The following DHX38 variants were observed in gnomAD, a reference collection of about 807,000 sequenced individuals.
DHX38 encodes the protein DEAH-box helicase 38.
DHX38 carries 100 observed loss-of-function variants against 153.1 expected under a neutral mutation model. That is an observed-to-expected ratio of 0.65 (90% CI 0.56 to 0.77). DHX38 has a LOEUF of 0.77. DHX38 is among the 30% of genes least tolerant of loss of function. DHX38 has a pLI of 0.00. For missense variants in DHX38, 1,440 were observed against 1,654.0 expected (o/e 0.87, Z 2.24); for synonymous variants, 650 against 631.7 (o/e 1.03, Z -0.43).
At position 72,108,227 on chromosome 16, in the gene DHX38, G is replaced by C; in HGVS notation, c.2965G>C (p.Gly989Arg). The C allele has an allele frequency of 6.2e-7, 1 of 1,614,050 alleles. No homozygotes were observed. Among genetic ancestry groups the C allele is most frequent in the Non-Finnish European group, 8.5e-7 (1 of 1,180,032 alleles). ...SVPAIFYRPK[G>R]REEESDQIRE... ...GTGAAGGTTCTTTTTCCCTTCCTAG[G>C]GTCGAGAGGAGGAGAGTGATCAAAT... The change falls in exon 22 of 27, where the codon GGT becomes CGT. Residue 989 changes from glycine to arginine, a missense_variant and splice_region_variant. By Grantham distance (125) the Gly-to-Arg change is moderately radical (BLOSUM62 -2). This residue lies in a region of DHX38 where 543 missense variants were observed against 717.9 expected (regional missense o/e 0.76). Coordinates refer to ENST00000268482, the MANE Select transcript of DHX38 (RefSeq NM_014003.4).
intron 19 of DHX38, among the ~76,000 whole-genome samples, 163 bp downstream of exon 19, chr16:72,106,280 T>C (rs964704690): frequency 1.3e-5 from 2 of 152,138 alleles, no homozygotes; most frequent in Non-Finnish European, 2.9e-5. Context: ...TGCTACTGAG[T>C]GGAAGGAAGG....
chr16:72,105,483 A>G (rs2042162604), intron 17 of DHX38, 34 bp from the exon 18 acceptor site: 1 of 1,611,364 alleles, frequency 6.2e-7, no homozygotes, highest in African/African-American at 1.3e-5. Context: ...GTCTCGAGGG[A>G]CTCATTTTTC....
chr16:72,112,677 G>C lies in DHX38; in HGVS notation c.*180G>C. On this transcript the variant is annotated 3_prime_UTR_variant, in exon 27 of 27. Transcript: ENST00000268482. ...GGCAGAGGAGGTGGAGTTCTTCCAT[G>C]CAGGAGCACGGCATGGCGGGAGCGG... 3 of 737,132 alleles carry C rather than the reference G, an allele frequency of 4.1e-6. No homozygotes were observed. Among genetic ancestry groups the C allele is most frequent in the Non-Finnish European group, 7.2e-6 (3 of 416,276 alleles). The allele number at this position is 737,132 out of a possible 1,614,324, so 45.7% of individuals were successfully genotyped here.
At chr16:72,098,080 G>T (rs1388817470) in intron 4 of DHX38, among the ~76,000 whole-genome samples, 1 of 152,200 alleles carries the variant, frequency 6.6e-6, no homozygotes, top group Non-Finnish European at 1.5e-5. Context: ...TCCAAGAAGG[G>T]TGTGTTTGTA....
At chr16:72,101,451 C>T (rs1238139965) in intron 10 of DHX38, 49 bp from the exon 11 acceptor site, 1 of 1,515,634 alleles carries the variant, frequency 6.6e-7, no homozygotes, top group Admixed American at 2.0e-5. Flanking sequence ...TTTTCCATTG[C>T]TCGCAGTCAT....
rs779997031 is a variant in DHX38 at position 72,111,077 on chromosome 16, G to A, written c.3599G>A (p.Arg1200Lys). 197 of 1,558,142 alleles carry A rather than the reference G, an allele frequency of 1.3e-4. No individual in the cohort carries two copies. Among genetic ancestry groups the A allele is most frequent in the Non-Finnish European group, 1.7e-4 (193 of 1,151,626 alleles). The change falls in exon 26 of 27, where the codon AGG (arginine) becomes AAG (lysine). Residue 1200 changes from arginine (R) to lysine (K), a missense_variant and splice_region_variant. Around this residue, in one of 6 missense-constraint regions of DHX38, gnomAD observed 75 missense variants for 69.5 expected, o/e 1.08. Transcript: ENST00000268482. ...AAGCGCAGCCCCCTGGGCAGTGTCA[G>A]GTGAGCTCCGGCCTTCGGGCTCTGG... ...QEKRSPLGSV[R>K]STKIYTPGRK... is the part of the protein sequence containing the mutation.
At chr16:72,103,508 A>T in intron 12 of DHX38, 94 bp from the exon 13 acceptor site, 1 of 1,364,884 alleles carries the variant, frequency 7.3e-7, no homozygotes, top group African/African-American at 1.4e-5. Flanking sequence ...CTGGATAGCT[A>T]GTCATGGGGA....
In DHX38 at chr16:72,096,325, C is replaced by A. The variant is rs1266743112; in HGVS notation, c.168C>A (p.Ser56=). The A allele has an allele frequency of 6.2e-7, 1 of 1,614,050 alleles. No homozygotes were observed. The highest frequency in any genetic ancestry group is 8.5e-7 in the Non-Finnish European group (1 of 1,180,042). Residue 56 remains serine (S), a synonymous_variant, in exon 2 of 27, where the codon TCC becomes TCA. Transcript: ENST00000268482. ...TACTCGGACTGGACTTGCTGGCTTC[C>A]CTGAAACGGAGAGAGCGAGAGGAGA... is the stretch of plus-strand genomic sequence containing the variant. ...PSLLGLDLLA[S]LKRREREEKD...
chr16:72,103,128 A>T lies in DHX38; in HGVS notation c.1554A>T (p.Glu518Asp). Residue 518 changes from glutamate (E) to aspartate (D), a missense_variant, in exon 12 of 27, where the codon GAA becomes GAT. By Grantham distance (45) the Glu-to-Asp change is conservative (BLOSUM62 2). Coordinates refer to ENST00000268482, the MANE Select transcript of DHX38 (RefSeq NM_014003.4). Reference protein sequence around the residue: ...HMKRKSEASSEFAKKKSILEQ... With the variant: ...HMKRKSEASSDFAKKKSILEQ... ...AGAGAAAGAGCGAAGCCAGCAGTGA[A>T]TTTGCAAAGAAGAAGTCCATCCTGG... The T allele has an allele frequency of 6.2e-7, 1 of 1,614,240 alleles. No individual in the cohort carries two copies. The highest frequency in any genetic ancestry group is 1.6e-4 in the Middle Eastern group (1 of 6,062).
At chr16:72,094,679 CTCCTT>C (rs1319296791) in intron 1 of DHX38, among the ~76,000 whole-genome samples, 3 of 152,214 alleles carry the variant, frequency 2.0e-5, no homozygotes, top group Non-Finnish European at 2.9e-5. Flanking sequence ...CTCTGGCTGT[CTCCTT>C]GTCCTGTGTT....
intron 9 of DHX38, 117 bp downstream of exon 9, chr16:72,100,714 G>A (rs1311704002): frequency 7.1e-7 from 1 of 1,415,646 alleles, no homozygotes; most frequent in Non-Finnish European, 9.6e-7. Flanking sequence ...GTGGATCATT[G>A]GATACCAGGA....
Position 72,104,450 on chromosome 16 carries a change from C to G in DHX38, c.2011-36C>G, listed in dbSNP as rs202147948. 3 of 1,609,894 alleles carry G rather than the reference C, an allele frequency of 1.9e-6. No homozygotes were observed. The South Asian group carries it at 3.3e-5, about 18-fold the overall frequency. ...ACTGGGGGACAGGAGCCAAGGGTCCCCACCATGGGGGCCTCCGAGCCGCCT... is the reference window on the plus strand; with the variant it reads ...ACTGGGGGACAGGAGCCAAGGGTCCGCACCATGGGGGCCTCCGAGCCGCCT... On this transcript the variant is annotated intron_variant, in intron 14 of 26. Coordinates refer to ENST00000268482, the MANE Select transcript of DHX38 (RefSeq NM_014003.4). This position sits in a 1 kb window ranked among gnomAD's most constrained non-coding sequence, Gnocchi z 4.5.
rs2042147513 is a variant in DHX38 at position 72,104,605 on chromosome 16, T to C, written c.2130T>C (p.Pro710=). Residue 710 remains proline (P), a synonymous_variant, in exon 15 of 27, where the codon CCT becomes CCC. Transcript: ENST00000268482. This position sits in a 1 kb window ranked among gnomAD's most constrained non-coding sequence, Gnocchi z 4.5. Reference sequence around the variant, plus strand: ...TCCACATCCCTGGCCGTACCTTCCCTGTTGACATCCTCTTCAGCAAGGTAT... The same window carrying C: ...TCCACATCCCTGGCCGTACCTTCCCCGTTGACATCCTCTTCAGCAAGGTAT... The part of the protein sequence containing the change: ...PIFHIPGRTF[P]VDILFSKTPQ... 1.2e-6 allele frequency: 2 copies of C among 1,614,046 alleles called. No homozygotes were observed. The highest frequency in any genetic ancestry group is 1.3e-5 in the African/African-American group (1 of 74,926).
At position 72,106,439 on chromosome 16, in the gene DHX38, A is replaced by T. The variant is rs58152051; in HGVS notation, c.2600+322A>T. 4.9e-3 allele frequency among the ~76,000 whole-genome samples: 738 copies of T among 149,730 alleles called. 25 individuals carry two copies. The highest frequency in any genetic ancestry group is 0.033 in the East Asian group (165 of 4,978). On this transcript the variant is annotated intron_variant, in intron 19 of 26. Transcript: ENST00000268482. ...TTTATTTCTATTGTTCTCTTTCCCC[A>T]TTTTCTTTCTTTCTTTTTTCCAATT...
chr16:72,105,290 CT>C lies in DHX38; in HGVS notation c.2322del (p.Val775CysfsTer54). On this transcript the variant is annotated frameshift_variant, in exon 17 of 27. Coordinates refer to ENST00000268482, the MANE Select transcript of DHX38 (RefSeq NM_014003.4). LOFTEE classifies it high-confidence loss of function. ...GAACTGGAGAACGCGCCTGCCCTGG[CT>C]GTGCTGCCCATCTACTCTCAGCTGC... Reference protein sequence around the residue: ...LEELENAPALAVLPIYSQLPS... With the variant: ...LEELENAPALXVLPIYSQLPS... The C allele has an allele frequency of 6.2e-7, 1 of 1,614,186 alleles. No homozygotes were observed. The highest frequency in any genetic ancestry group is 1.1e-5 in the South Asian group (1 of 91,082).
At position 72,105,507 on chromosome 16, in the gene DHX38, C is replaced by T; in HGVS notation, c.2380-10C>T. 1 of 1,614,086 alleles carries T rather than the reference C, an allele frequency of 6.2e-7. No homozygotes were observed. The highest frequency in any genetic ancestry group is 8.5e-7 in the Non-Finnish European group (1 of 1,179,962). On this transcript the variant is annotated splice_polypyrimidine_tract_variant and intron_variant, in intron 17 of 26. Transcript: ENST00000268482. Reference sequence around the variant, plus strand: ...GACTCATTTTTCCCTTCCTGTATGTCCTGCTCTAGGCTCCAGATGGCGTTC... The same window carrying T: ...GACTCATTTTTCCCTTCCTGTATGTTCTGCTCTAGGCTCCAGATGGCGTTC...
chr16:72,100,295 G>A (rs1220244282), intron 8 of DHX38, 141 bp from the exon 9 acceptor site: 9 of 1,148,936 alleles, frequency 7.8e-6, no homozygotes, highest in Non-Finnish European at 1.1e-5. Context: ...TCTGTCTTTG[G>A]AGCTGTGGGT....
chr16:72,108,709 A>T, intron 23 of DHX38, 91 bp from the exon 24 acceptor site: 1 of 1,589,372 alleles, frequency 6.3e-7, no homozygotes, highest in Non-Finnish European at 8.6e-7. Flanking sequence ...GGCTTCCGCC[A>T]AAGGCTGTGT....
chr16:72,106,040 G>A lies in DHX38; in HGVS notation c.2523G>A (p.Gln841=), dbSNP rs779137432. 6.2e-7 allele frequency: 1 copy of A among 1,614,126 alleles called. No homozygotes were observed. Among genetic ancestry groups the A allele is most frequent in the African/African-American group, 1.3e-5 (1 of 74,942 alleles). The part of the protein sequence containing the change: ...FNPRIGMDAL[Q]IYPISQANAN... ...CCAGGATTGGCATGGATGCTCTGCA[G>A]ATCTATCCCATTAGCCAGGCCAATG... The change falls in exon 19 of 27, where the codon CAG becomes CAA. Residue 841 remains glutamine, a synonymous_variant. Coordinates refer to ENST00000268482, the MANE Select transcript of DHX38 (RefSeq NM_014003.4).
Sources: allele counts gnomAD v4.1 joint callset (sites outside exome capture counted in the v4.1 genomes callset), GRCh38; gene constraint gnomAD v4.1.1; regional missense constraint gnomAD v4.1.1; non-coding constraint Gnocchi (gnomAD v3.1); transcripts MANE v1.5; gene names NCBI Gene and HGNC (gene_info 2026-07-23, HGNC 2026-07-21).